The following DRD3 variants were observed in gnomAD, a reference collection of about 807,000 sequenced individuals.
The protein encoded by DRD3 is dopamine receptor D3.
Under a neutral mutation model 36.3 loss-of-function variants are expected in DRD3, and 19 were observed. That is an observed-to-expected ratio of 0.52 (90% CI 0.36 to 0.77). The LOEUF is 0.77. DRD3 is among the 30% of genes least tolerant of loss of function. The probability of loss-of-function intolerance (pLI) is 0.00; values close to 1 mark genes in which losing one functional copy is unlikely to be tolerated. For missense variants in DRD3, 465 were observed against 505.3 expected (o/e 0.92, Z 0.77); for synonymous variants, 195 against 203.7 (o/e 0.96, Z 0.36).
chr3:114,132,345 G>A (rs1206781206), intron 5 of DRD3, among the ~76,000 whole-genome samples: 2 of 152,058 alleles, frequency 1.3e-5, no homozygotes, highest in Non-Finnish European at 2.9e-5. Context: ...TCATAAGTGG[G>A]AGCTGAACGG....
At chr3:114,192,866 A>G (rs2078017688) in intron 1 of DRD3, among the ~76,000 whole-genome samples, 1 of 152,236 alleles carries the variant, frequency 6.6e-6, no homozygotes, top group Admixed American at 6.5e-5. Context: ...ATTTGACAAA[A>G]TACTTTTATT....
rs371109173 is a variant in DRD3 at position 114,144,251 on chromosome 3, T to A, written c.526+3164A>T. Among the ~76,000 whole-genome samples, 4 of 152,364 alleles carry A rather than the reference T, an allele frequency of 2.6e-5. No homozygotes were observed. In the East Asian group the frequency reaches 7.7e-4, roughly 29 times the overall value. On this transcript the variant is annotated intron_variant, in intron 4 of 6. Coordinates refer to ENST00000383673, the MANE Select transcript of DRD3 (RefSeq NM_000796.6). ...TGTTCTCTAATAATTCACAATTTCG[T>A]GTGGCAGCCCATGGCATTAAAAGAA...
chr3:114,155,375 C>T (rs1221500700), intron 3 of DRD3, among the ~76,000 whole-genome samples: 3 of 152,018 alleles, frequency 2.0e-5, no homozygotes, highest in Non-Finnish European at 2.9e-5. Context: ...AAGGGAGCTT[C>T]GTTTTCGCTT....
chr3:114,175,745 C>T (rs2077892257), intron 1 of DRD3, among the ~76,000 whole-genome samples: 2 of 152,172 alleles, frequency 1.3e-5, no homozygotes. Context: ...TATAATTAGC[C>T]ACTGGCATTC....
chr3:114,162,051 T>C (rs112284447), intron 2 of DRD3, among the ~76,000 whole-genome samples: 2,359 of 152,296 alleles, frequency 0.015, 58 homozygotes, highest in African/African-American at 0.051. Context: ...CAAATACTTG[T>C]GAAGCTCTTA....
chr3:114,162,218 G>T (rs1467940600), intron 2 of DRD3, among the ~76,000 whole-genome samples: 1 of 152,154 alleles, frequency 6.6e-6, no homozygotes, highest in Non-Finnish European at 1.5e-5. Context: ...ATTGTTAATA[G>T]GAATTAACAT....
chr3:114,173,738 T>A (rs74513490), intron 1 of DRD3, among the ~76,000 whole-genome samples: 12,983 of 152,228 alleles, frequency 0.085, 667 homozygotes, highest in South Asian at 0.15. Context: ...GAAGGTGTAT[T>A]TGTCAAGGTG....
At chr3:114,147,208 C>T (rs142195438) in intron 4 of DRD3, among the ~76,000 whole-genome samples, 1 of 151,814 alleles carries the variant, frequency 6.6e-6, no homozygotes, top group East Asian at 1.9e-4. Context: ...AGAACTTTAC[C>T]CCCTGTGCCA....
At chr3:114,196,576 G>A (rs1019833743) in intron 1 of DRD3, among the ~76,000 whole-genome samples, 2 of 152,152 alleles carry the variant, frequency 1.3e-5, no homozygotes, top group East Asian at 3.8e-4. Flanking sequence ...TTCTAAAGTG[G>A]CTGTACTATT....
intron 5 of DRD3, among the ~76,000 whole-genome samples, chr3:114,138,937 G>T (rs1211439233): frequency 6.6e-6 from 1 of 152,208 alleles, no homozygotes; most frequent in African/African-American, 2.4e-5. Context: ...GGGGTAAGGA[G>T]AAATTAAAGC....
intron 2 of DRD3, among the ~76,000 whole-genome samples, chr3:114,160,488 G>A (rs2077722451): frequency 6.6e-6 from 1 of 152,112 alleles, no homozygotes; most frequent in African/African-American, 2.4e-5. Flanking sequence ...AACTCAGGAG[G>A]CAACTAATGC....
intron 1 of DRD3, among the ~76,000 whole-genome samples, chr3:114,193,517 C>A (rs1209713942): frequency 6.6e-6 from 1 of 152,172 alleles, no homozygotes; most frequent in African/African-American, 2.4e-5. Flanking sequence ...CTTCTCAGAG[C>A]AGTTCCTGAG....
At chr3:114,183,569 A>G (rs1464232851), upstream of DRD3, among the ~76,000 whole-genome samples, 1 of 152,070 alleles carries the variant, frequency 6.6e-6, no homozygotes, top group African/African-American at 2.4e-5. Context: ...TTTCTCTTTA[A>G]TTCTACCAGT....
At chr3:114,175,562 C>T (rs547405852) in intron 1 of DRD3, among the ~76,000 whole-genome samples, 1 of 152,136 alleles carries the variant, frequency 6.6e-6, no homozygotes, top group Non-Finnish European at 1.5e-5. Flanking sequence ...CTTTCATCTC[C>T]CACATCCACA....
chr3:114,138,029 T>G (rs2077490490), intron 5 of DRD3, among the ~76,000 whole-genome samples: 1 of 140,682 alleles, frequency 7.1e-6, no homozygotes, highest in African/African-American at 2.7e-5. Context: ...ATTAGCCAGA[T>G]GTGTTGGTGG....
chr3:114,173,609 C>G (rs1475438578), intron 1 of DRD3, among the ~76,000 whole-genome samples: 1 of 152,158 alleles, frequency 6.6e-6, no homozygotes, highest in Non-Finnish European at 1.5e-5. Flanking sequence ...GAGAAGAGGC[C>G]AGGGTCCCTG....
chr3:114,176,636 C>T (rs2077902022), intron 1 of DRD3, among the ~76,000 whole-genome samples: 1 of 151,882 alleles, frequency 6.6e-6, no homozygotes. Context: ...AACTGTCATT[C>T]CCGAGTTGAG....
At chr3:114,174,184 G>A (rs1231614397) in intron 1 of DRD3, among the ~76,000 whole-genome samples, 3 of 152,110 alleles carry the variant, frequency 2.0e-5, no homozygotes, top group Non-Finnish European at 2.9e-5. Flanking sequence ...AGATAGCACC[G>A]CTGCTGCCAA....
intron 5 of DRD3, among the ~76,000 whole-genome samples, chr3:114,137,182 A>G (rs2077481972): frequency 6.6e-6 from 1 of 152,238 alleles, no homozygotes; most frequent in Non-Finnish European, 1.5e-5. Context: ...AAGATAAGCC[A>G]GTATTGTGGG....
Sources: gnomAD v4.1 joint callset for allele counts (sites outside exome capture counted in the v4.1 genomes callset) on GRCh38, gnomAD v4.1.1 for gene constraint, MANE v1.5 for transcripts, NCBI Gene and HGNC (gene_info 2026-07-23, HGNC 2026-07-21) for gene names.